PDIA5: variants seen among roughly 807,000 people sequenced by gnomAD.
The protein encoded by PDIA5 is protein disulfide isomerase family A member 5.
Under a neutral mutation model 77.6 loss-of-function variants are expected in PDIA5, and 58 were observed. The observed-to-expected ratio is 0.75, with a 90% CI of 0.61 to 0.93. The LOEUF is 0.93. Ranked by LOEUF, PDIA5 falls within the 40% of genes least tolerant of loss-of-function variation. The pLI is 0.00. For missense variants in PDIA5, 630 were observed against 647.7 expected (o/e 0.97, Z 0.30); for synonymous variants, 250 against 252.1 (o/e 0.99, Z 0.08).
intron 13 of PDIA5, among the ~76,000 whole-genome samples, chr3:123,150,013 G>A (rs1653972490): frequency 6.6e-6 from 1 of 152,196 alleles, no homozygotes; most frequent in African/African-American, 2.4e-5. Flanking sequence ...TTTACAAAAT[G>A]GCTCCTTAAT....
intron 11 of PDIA5, among the ~76,000 whole-genome samples, chr3:123,140,569 C>T (rs886202122): frequency 8.0e-5 from 12 of 150,140 alleles, no homozygotes; most frequent in South Asian, 2.1e-4. Context: ...GGTAGGATTG[C>T]GAGGGGTTGT....
chr3:123,104,201 T>G (rs1047752704), intron 5 of PDIA5, among the ~76,000 whole-genome samples: 5 of 152,124 alleles, frequency 3.3e-5, no homozygotes, highest in African/African-American at 1.2e-4. Flanking sequence ...GGTGAAGAAG[T>G]GGCTGAGCAT....
At chr3:123,090,324 G>A (rs1435497278) in intron 2 of PDIA5, among the ~76,000 whole-genome samples, 3 of 152,216 alleles carry the variant, frequency 2.0e-5, no homozygotes, top group African/African-American at 7.2e-5. Flanking sequence ...TGAGGCCTGG[G>A]GCATAGGGCC....
intron 3 of PDIA5, among the ~76,000 whole-genome samples, chr3:123,095,142 T>G (rs185007089): frequency 2.6e-5 from 4 of 152,324 alleles, no homozygotes; most frequent in Admixed American, 2.6e-4. Context: ...TGACTCTGTT[T>G]CCTCAGCTGT....
chr3:123,079,343 G>A (rs1288559405), intron 1 of PDIA5, among the ~76,000 whole-genome samples: 1 of 151,932 alleles, frequency 6.6e-6, no homozygotes, highest in Non-Finnish European at 1.5e-5. Context: ...ACCACGCCCG[G>A]CTAATTTTTT....
chr3:123,129,846 T>A (rs1348804207), intron 10 of PDIA5, among the ~76,000 whole-genome samples: 1 of 152,174 alleles, frequency 6.6e-6, no homozygotes, highest in Non-Finnish European at 1.5e-5. Context: ...AATAAGTTGG[T>A]TGTTGGCCTC....
At chr3:123,158,763 C>G (rs748958751) in intron 15 of PDIA5, among the ~76,000 whole-genome samples, 2 of 152,200 alleles carry the variant, frequency 1.3e-5, no homozygotes, top group African/African-American at 2.4e-5. Flanking sequence ...GGATTTGTAC[C>G]AACCACCATA....
intron 10 of PDIA5, among the ~76,000 whole-genome samples, chr3:123,125,062 C>G (rs1244431514): frequency 1.3e-5 from 2 of 152,186 alleles, no homozygotes; most frequent in Non-Finnish European, 2.9e-5. Flanking sequence ...TTTGTCCTGC[C>G]AGATCACCCC....
chr3:123,091,623 C>T (rs1169580976), intron 2 of PDIA5, among the ~76,000 whole-genome samples: 2 of 152,182 alleles, frequency 1.3e-5, no homozygotes, highest in African/African-American at 4.8e-5. Flanking sequence ...TTGACATCTG[C>T]ACCAATGAGA....
chr3:123,152,225 T>A (rs1021731186), intron 14 of PDIA5, among the ~76,000 whole-genome samples: 2 of 152,146 alleles, frequency 1.3e-5, no homozygotes, highest in African/African-American at 2.4e-5. Flanking sequence ...ATATCAGCTC[T>A]GTGCTGTGCA....
At chr3:123,122,821 T>C (rs142879376) in intron 8 of PDIA5, among the ~76,000 whole-genome samples, 1 of 152,354 alleles carries the variant, frequency 6.6e-6, no homozygotes, top group Non-Finnish European at 1.5e-5. Flanking sequence ...TGTCCTTATG[T>C]ATTATTCAGT....
intron 6 of PDIA5, among the ~76,000 whole-genome samples, chr3:123,110,554 A>G (rs1934836179): frequency 6.6e-6 from 1 of 152,148 alleles, no homozygotes; most frequent in Non-Finnish European, 1.5e-5. Flanking sequence ...GGGGCAGCCT[A>G]TTCAACAGCC....
chr3:123,089,057 C>A, intron 1 of PDIA5, 111 bp from the exon 2 acceptor site: 1 of 1,034,776 alleles, frequency 9.7e-7, no homozygotes. Flanking sequence ...TGTTGGTTTG[C>A]CCTCATCCTC....
rs150289301 is a variant in PDIA5, at chr3:123,124,162, G to A, written c.701+5G>A. The A allele has an allele frequency of 3.5e-5, 56 of 1,609,844 alleles. No individual in the cohort carries two copies. The highest frequency in any genetic ancestry group is 1.1e-4 in the East Asian group (5 of 44,860). ...CCCCACCATCTGCTATTTTGAGTAC[G>A]TCCCCCACTTTCCTTCTAAAGCTCA... On this transcript the variant is annotated splice_donor_5th_base_variant and intron_variant, in intron 9 of 16. Coordinates refer to ENST00000316218, the MANE Select transcript of PDIA5 (RefSeq NM_006810.4).
intron 11 of PDIA5, among the ~76,000 whole-genome samples, chr3:123,136,425 G>A (rs545657165): frequency 1.0e-3 from 156 of 152,190 alleles, no homozygotes; most frequent in Non-Finnish European, 1.6e-3. Context: ...TTCTCCTTCC[G>A]CAGTGCTTCT....
rs910935419 is a variant in PDIA5, at chr3:123,138,106, T to C, written c.911-7416T>C. Among the ~76,000 whole-genome samples the C allele has an allele frequency of 3.3e-5, 5 of 152,198 alleles. No individual in the cohort carries two copies. In the East Asian group the frequency reaches 7.7e-4, roughly 24 times the overall value. ...TACTACAGGCACACACTACCACGCCTGGCTAATTTTTTAAATTTTTATAGC... is the reference window on the plus strand; with the variant it reads ...TACTACAGGCACACACTACCACGCCCGGCTAATTTTTTAAATTTTTATAGC... On this transcript the variant is annotated intron_variant, in intron 11 of 16. Transcript: ENST00000316218.
intron 11 of PDIA5, among the ~76,000 whole-genome samples, chr3:123,134,149 G>C (rs1935435888): frequency 6.6e-6 from 1 of 152,006 alleles, no homozygotes; most frequent in African/African-American, 2.4e-5. Context: ...TCAGCCTCCT[G>C]TGTAGTTGGG....
chr3:123,142,912 C>G (rs1935675425), intron 11 of PDIA5, among the ~76,000 whole-genome samples: 2 of 152,212 alleles, frequency 1.3e-5, no homozygotes, highest in African/African-American at 4.8e-5. Flanking sequence ...GTCCTTTCAT[C>G]TGCCACCTCC....
At position 123,112,770 on chromosome 3, in the gene PDIA5, G is replaced by A. The variant is rs1033826932; in HGVS notation, c.541+1766G>A. On this transcript the variant is annotated intron_variant, in intron 7 of 16. Coordinates refer to ENST00000316218, the MANE Select transcript of PDIA5 (RefSeq NM_006810.4). The stretch of plus-strand genomic sequence containing the variant: ...AGATGGGGCTTCACCATGTTGCCCA[G>A]GCTGGTCTCAAACTCCTGACCTCAG... 3.3e-5 allele frequency among the ~76,000 whole-genome samples: 5 copies of A among 152,154 alleles called. No homozygotes were observed. In the East Asian group the frequency reaches 9.7e-4, roughly 30 times the overall value.
Sources: gnomAD v4.1 joint callset for allele counts (sites outside exome capture counted in the v4.1 genomes callset) on GRCh38, gnomAD v4.1.1 for gene constraint, MANE v1.5 for transcripts, NCBI Gene and HGNC (gene_info 2026-07-23, HGNC 2026-07-21) for gene names.